The following DYSF variants were observed in gnomAD, a reference collection of about 807,000 sequenced individuals.
The protein encoded by DYSF is dystrophy-associated fer-1-like 1.
A neutral mutation model predicts 274.9 loss-of-function variants in DYSF; 212 were observed. That is an observed-to-expected ratio of 0.77 (90% CI 0.69 to 0.86). DYSF has a LOEUF of 0.86. Ranked by LOEUF, DYSF falls within the 40% of genes least tolerant of loss-of-function variation. The pLI, the probability that DYSF is intolerant of heterozygous loss-of-function variation, is 0.00. For missense variants in DYSF, 2,666 were observed against 2,783.2 expected (o/e 0.96, Z 0.95); for synonymous variants, 1,091 against 1,078.7 (o/e 1.01, Z -0.22).
At chr2:71,633,051 C>T (rs979865382) in intron 41 of DYSF, among the ~76,000 whole-genome samples, 1 of 152,206 alleles carries the variant, frequency 6.6e-6, no homozygotes, top group Non-Finnish European at 1.5e-5. Flanking sequence ...TGATCCCCTC[C>T]ACAGATGAGG....
chr2:71,618,599 GAGGTGGTGGGTGTGGTA>G (rs2094002177), intron 40 of DYSF, among the ~76,000 whole-genome samples: 1 of 56,880 alleles, frequency 1.8e-5, no homozygotes, highest in Non-Finnish European at 4.8e-5. Flanking sequence ...GTGTGTGGTA[GAGGTGGTGGGTGTGGTA>G]GAGGTGGTGT....
chr2:71,619,464 G>T (rs952937066), intron 40 of DYSF, among the ~76,000 whole-genome samples: 1 of 152,184 alleles, frequency 6.6e-6, no homozygotes, highest in African/African-American at 2.4e-5. Context: ...GCCCAGCAGG[G>T]CTTCACCTTC....
chr2:71,603,298 C>G (rs552598347), intron 36 of DYSF, among the ~76,000 whole-genome samples: 1 of 152,060 alleles, frequency 6.6e-6, no homozygotes, highest in Non-Finnish European at 1.5e-5. Context: ...CTCCTAGGGA[C>G]GGGAAGAAGT....
At chr2:71,503,916 T>C (rs4852262) in intron 4 of DYSF, among the ~76,000 whole-genome samples, 143,699 of 152,312 alleles carry the variant, frequency 0.94, 67,844 homozygotes, top group East Asian at 1. Context: ...TTCTCTCTTC[T>C]TGGTAGAATT....
intron 23 of DYSF, among the ~76,000 whole-genome samples, chr2:71,563,672 T>TACCTC (rs1331620837): frequency 1.3e-5 from 2 of 152,160 alleles, no homozygotes. Flanking sequence ...GGCGTAATGT[T>TACCTC]ACCTCCCTGG....
At chr2:71,639,342 T>A (rs1466196603) in intron 41 of DYSF, among the ~76,000 whole-genome samples, 2 of 152,118 alleles carry the variant, frequency 1.3e-5, no homozygotes, top group Admixed American at 1.3e-4. Context: ...TAAAAATTTT[T>A]AATTTTTAAA....
chr2:71,659,054 AC>A (rs1347385447), intron 44 of DYSF, 21 bp downstream of exon 44: 1 of 1,613,760 alleles, frequency 6.2e-7, no homozygotes, highest in Non-Finnish European at 8.5e-7. Context: ...TAGAGCCCTC[AC>A]CTCCCCCAGA....
chr2:71,536,041 C>CT (rs2089301864), intron 16 of DYSF, among the ~76,000 whole-genome samples: 2 of 152,208 alleles, frequency 1.3e-5, no homozygotes, highest in African/African-American at 4.8e-5. Flanking sequence ...CCCAAGCCTG[C>CT]TGTTTCCAAA....
chr2:71,506,355 C>A (rs915278232), intron 4 of DYSF, among the ~76,000 whole-genome samples: 4 of 152,162 alleles, frequency 2.6e-5, no homozygotes, highest in Non-Finnish European at 4.4e-5. Context: ...TCAAGTTCTG[C>A]TGATCTCGTT....
chr2:71,492,197 A>G (rs983880241), intron 3 of DYSF, among the ~76,000 whole-genome samples: 3 of 152,168 alleles, frequency 2.0e-5, no homozygotes, highest in Admixed American at 2.0e-4. Flanking sequence ...ATTTAGAGTT[A>G]CCCTTGGGCA....
intron 32 of DYSF, among the ~76,000 whole-genome samples, chr2:71,591,521 T>G (rs564472633): frequency 6.6e-6 from 1 of 152,376 alleles, no homozygotes; most frequent in South Asian, 2.1e-4. Context: ...ATGTAACCCT[T>G]ACAATTGCCC....
chr2:71,618,151 G>GGTGT (rs796163016), intron 40 of DYSF, among the ~76,000 whole-genome samples: 841 of 24,420 alleles, frequency 0.034, 69 homozygotes, highest in East Asian at 0.085. Flanking sequence ...TGGTAGAGGT[G>GGTGT]GTGTGTGTGT....
At chr2:71,594,110 C>T (rs183351587) in intron 32 of DYSF, among the ~76,000 whole-genome samples, 105 of 152,266 alleles carry the variant, frequency 6.9e-4, no homozygotes, top group Middle Eastern at 3.4e-3. Flanking sequence ...TTTGATGAGC[C>T]GGAGCTGCCC....
intron 3 of DYSF, among the ~76,000 whole-genome samples, chr2:71,490,221 A>G (rs1351823363): frequency 2.0e-5 from 3 of 152,236 alleles, no homozygotes; most frequent in Non-Finnish European, 2.9e-5. Context: ...TTTTATAAGT[A>G]TAAAAGTGCA....
intron 41 of DYSF, among the ~76,000 whole-genome samples, chr2:71,623,347 C>T (rs2094145591): frequency 7.4e-6 from 1 of 134,360 alleles, no homozygotes; most frequent in Non-Finnish European, 1.6e-5. Flanking sequence ...CACAACAGTC[C>T]CCAGAGTGTG....
chr2:71,609,316 T>C (rs553279539), intron 36 of DYSF, among the ~76,000 whole-genome samples: 2 of 152,296 alleles, frequency 1.3e-5, no homozygotes, highest in Non-Finnish European at 2.9e-5. Flanking sequence ...GTCACCTGCA[T>C]TGTGGGTCTG....
Position 71,482,036 on chromosome 2 carries a change from C to G in DYSF, c.239+66C>G. On this transcript the variant is annotated intron_variant, in intron 3 of 55. Coordinates refer to ENST00000410020, the MANE Select transcript of DYSF (RefSeq NM_001130987.2). The stretch of plus-strand genomic sequence containing the variant: ...CAGGTAGGATTGTGGAGTATACAGA[C>G]TGCAGAATCCCAGGCCCCAGGGAGC... The G allele has an allele frequency of 2.2e-6, 3 of 1,342,656 alleles. No individual in the cohort carries two copies. In the East Asian group the frequency reaches 6.9e-5, roughly 31 times the overall value. 83.2% of individuals were successfully genotyped at this position (1,342,656 alleles called of 1,614,324 possible).
intron 52 of DYSF, among the ~76,000 whole-genome samples, chr2:71,677,958 G>GATGA (rs1175619739): frequency 6.6e-6 from 1 of 152,216 alleles, no homozygotes; most frequent in Non-Finnish European, 1.5e-5. Flanking sequence ...TCCATCAACA[G>GATGA]ATGAATGAAT....
At chr2:71,591,315 C>T (rs1261278811) in intron 32 of DYSF, among the ~76,000 whole-genome samples, 2 of 152,248 alleles carry the variant, frequency 1.3e-5, no homozygotes, top group African/African-American at 4.8e-5. Context: ...CAGTGCCTTA[C>T]CAGCACCTCC....
Sources: allele counts gnomAD v4.1 joint callset (sites outside exome capture counted in the v4.1 genomes callset), GRCh38; gene constraint gnomAD v4.1.1; transcripts MANE v1.5; gene names NCBI Gene and HGNC (gene_info 2026-07-23, HGNC 2026-07-21).